Variants in ANKS1B observed in about 807,000 individuals in gnomAD.
ANKS1B encodes ankyrin repeat and sterile alpha motif domain-containing protein 1B.
ANKS1B carries 36 observed loss-of-function variants against 148.3 expected under a neutral mutation model. The ratio of observed to expected loss-of-function variants is 0.24; its 90% CI spans 0.19 to 0.32. The LOEUF (loss-of-function observed/expected upper bound fraction) is 0.32. ANKS1B is among the 10% of genes least tolerant of loss of function. The probability of loss-of-function intolerance (pLI) is 1.00; values close to 1 mark genes in which losing one functional copy is unlikely to be tolerated. For synonymous variants in ANKS1B, 542 were observed against 560.8 expected (o/e 0.97, Z 0.47); for missense variants, 1,157 against 1,542.6 (o/e 0.75, Z 4.19).
At chr12:99,541,018 A>G (rs1296621743) in intron 9 of ANKS1B, among the ~76,000 whole-genome samples, 12 of 152,158 alleles carry the variant, frequency 7.9e-5, no homozygotes, top group Admixed American at 7.9e-4. Flanking sequence ...CCATGCCAAC[A>G]AAACAGATAG....
At chr12:99,143,248 G>C (rs2071632787) in intron 15 of ANKS1B, among the ~76,000 whole-genome samples, 1 of 152,040 alleles carries the variant, frequency 6.6e-6, no homozygotes, top group Non-Finnish European at 1.5e-5. Context: ...GACTCAAGGG[G>C]CAGAAATCAG....
intron 9 of ANKS1B, among the ~76,000 whole-genome samples, chr12:99,565,804 T>C (rs1390274587): frequency 6.6e-6 from 1 of 152,194 alleles, no homozygotes; most frequent in Non-Finnish European, 1.5e-5. Flanking sequence ...CTCAAGAACT[T>C]TGTGGGTCTT....
chr12:98,905,624 T>C (rs116617947), intron 17 of ANKS1B, among the ~76,000 whole-genome samples: 1,910 of 151,954 alleles, frequency 0.013, 36 homozygotes, highest in African/African-American at 0.044. Flanking sequence ...TTTTAAAAAT[T>C]AGCCTGGCAT....
intron 10 of ANKS1B, among the ~76,000 whole-genome samples, chr12:99,450,845 C>T (rs766311884): frequency 3.3e-5 from 5 of 152,170 alleles, no homozygotes; most frequent in Non-Finnish European, 7.4e-5. Flanking sequence ...ATGAAGAAAG[C>T]TGGTCTGGCT....
chr12:99,432,015 T>C (rs577912354), intron 11 of ANKS1B, among the ~76,000 whole-genome samples: 1 of 152,212 alleles, frequency 6.6e-6, no homozygotes. Flanking sequence ...CTCATGGGTA[T>C]GGAGTAATTC....
chr12:99,641,095 C>G (rs1175526452), intron 9 of ANKS1B, among the ~76,000 whole-genome samples: 1 of 152,152 alleles, frequency 6.6e-6, no homozygotes, highest in Admixed American at 6.5e-5. Flanking sequence ...TTAGAATGCA[C>G]TTATTATATG....
rs934807834 is a variant in ANKS1B, at chr12:99,489,244, A to G, written c.1438+15232T>C. 1.7e-4 allele frequency among the ~76,000 whole-genome samples: 14 copies of G among 84,198 alleles called. No homozygotes were observed. In the East Asian group the frequency reaches 3.0e-3, roughly 18 times the overall value. The allele number at this position is 84,198 out of a possible 152,430, so 55.2% of individuals were successfully genotyped here. On this transcript the variant is annotated intron_variant, in intron 10 of 26. Transcript: ENST00000683438. ...GTGATAGAGCAAGACTCCATCTCAG[A>G]AAAAAAAAAAAAAAAAAGTACCCAC...
intron 14 of ANKS1B, among the ~76,000 whole-genome samples, chr12:99,163,877 C>T (rs931985859): frequency 1.5e-4 from 23 of 152,162 alleles, no homozygotes; most frequent in Admixed American, 1.4e-3. Flanking sequence ...TCCAGAGTGG[C>T]TGTACCATTT....
Position 99,655,185 on chromosome 12 carries a change from G to A in ANKS1B, c.1154C>T (p.Ser385Leu), listed in dbSNP as rs766958830. ...SVRTSSTINL[S>L]PGEVEEEDDD... ...ATCCTCTTCTTCCACTTCTCCTGGT[G>A]ACAAATTGATTGTAGATGAGGTTCT... The change falls in exon 9 of 27, where the codon TCA becomes TTA. Residue 385 changes from serine (S) to leucine (L), a missense_variant. This residue lies in a region of ANKS1B where 661 missense variants were observed against 642.1 expected (regional missense o/e 1.03). Transcript: ENST00000683438. The A allele has an allele frequency of 6.2e-7, 1 of 1,610,854 alleles. No homozygotes were observed. Among genetic ancestry groups the A allele is most frequent in the South Asian group, 1.1e-5 (1 of 90,616 alleles).
chr12:99,328,843 C>T (rs2086968037), intron 12 of ANKS1B, among the ~76,000 whole-genome samples: 1 of 151,872 alleles, frequency 6.6e-6, no homozygotes, highest in Admixed American at 6.6e-5. Context: ...TTGAAACTTA[C>T]ATCAAAACTG....
Position 98,911,101 on chromosome 12 carries a change from GAT to G in ANKS1B, c.2779-78967_2779-78966del, listed in dbSNP as rs1491145911. Among the ~76,000 whole-genome samples, 9 of 126,994 alleles carry G rather than the reference GAT, an allele frequency of 7.1e-5. No individual in the cohort carries two copies. In the South Asian group the frequency reaches 2.3e-3, roughly 32 times the overall value. The allele number at this position is 126,994 out of a possible 152,430, so 83.3% of individuals were successfully genotyped here. On this transcript the variant is annotated intron_variant, in intron 17 of 26. Coordinates refer to ENST00000683438, the MANE Select transcript of ANKS1B (RefSeq NM_001352186.2). Reference sequence around the variant, plus strand: ...ATCTGGAGATAAAAATTCTGTGGTAGATTTTTTTTTTAAACTGTGATATTTTA... The same window carrying G: ...ATCTGGAGATAAAAATTCTGTGGTAGTTTTTTTTTAAACTGTGATATTTTA...
In ANKS1B at chr12:99,058,798, C is replaced by T. The variant is rs11829353; in HGVS notation, c.2626-5489G>A. Among the ~76,000 whole-genome samples the T allele has an allele frequency of 2.7e-3, 355 of 133,398 alleles. 2 individuals carry two copies. Among genetic ancestry groups the T allele is most frequent in the African/African-American group, 0.01 (351 of 35,024 alleles). 87.5% of individuals were successfully genotyped at this position (133,398 alleles called of 152,430 possible). A position where few individuals can be genotyped will look rare whatever the true frequency, so the allele number is the denominator to read the frequency against. ...TGTCGCCCAGGCTGGAGTGCAGTGG[C>T]GCGATCTCGGCTCACTGCAAGCTCC... On this transcript the variant is annotated intron_variant, in intron 16 of 26. Coordinates refer to ENST00000683438, the MANE Select transcript of ANKS1B (RefSeq NM_001352186.2).
At chr12:99,581,254 A>C (rs1597467855) in intron 9 of ANKS1B, among the ~76,000 whole-genome samples, 1 of 152,174 alleles carries the variant, frequency 6.6e-6, no homozygotes, top group African/African-American at 2.4e-5. Flanking sequence ...AAATAAACTC[A>C]CCAGATGTGA....
Position 98,768,733 on chromosome 12 carries a change from CAA to C in ANKS1B, c.3579+4307_3579+4308del, listed in dbSNP as rs36034629. 1.4e-3 allele frequency among the ~76,000 whole-genome samples: 112 copies of C among 80,576 alleles called. 1 individual carries two copies. The highest frequency in any genetic ancestry group is 5.2e-3 in the South Asian group (12 of 2,328). The allele number at this position is 80,576 out of a possible 152,430, so 52.9% of individuals were successfully genotyped here. A position where few individuals can be genotyped will look rare whatever the true frequency, so the allele number is the denominator to read the frequency against. On this transcript the variant is annotated intron_variant, in intron 25 of 26. Transcript: ENST00000683438. ...TGGGCGACAGAGCGAGACTCCATCT[CAA>C]AAAAAAAAAAAAAAAAATGGCTACC...
intron 17 of ANKS1B, among the ~76,000 whole-genome samples, chr12:98,874,323 A>G (rs1432875881): frequency 2.0e-5 from 3 of 152,208 alleles, no homozygotes; most frequent in Non-Finnish European, 4.4e-5. Context: ...ATGGCACGCC[A>G]AATTTGATTG....
chr12:99,525,875 T>C (rs1328478847), intron 9 of ANKS1B, among the ~76,000 whole-genome samples: 4 of 151,806 alleles, frequency 2.6e-5, no homozygotes, highest in African/African-American at 7.3e-5. Context: ...AACTAAAATA[T>C]CATAAAGATC....
intron 1 of ANKS1B, among the ~76,000 whole-genome samples, chr12:99,868,702 C>T (rs1050253250): frequency 9.2e-5 from 14 of 152,126 alleles, no homozygotes; most frequent in East Asian, 3.9e-4. Context: ...TCCAACACTT[C>T]GGAAACTAAT....
chr12:98,744,725 A>T lies in ANKS1B; in HGVS notation c.*1014T>A. The T allele has an allele frequency of 1.0e-6, 1 of 981,196 alleles. No individual in the cohort carries two copies. Among genetic ancestry groups the T allele is most frequent in the Non-Finnish European group, 1.2e-6 (1 of 827,382 alleles). The allele number at this position is 981,196 out of a possible 1,614,324, so 60.8% of individuals were successfully genotyped here. Reference sequence around the variant, plus strand: ...TTTTTCTAGAAAAAGAAATTTTTGCAATAGAATTTTATTAACACCTTTCTC... The same window carrying T: ...TTTTTCTAGAAAAAGAAATTTTTGCTATAGAATTTTATTAACACCTTTCTC... On this transcript the variant is annotated 3_prime_UTR_variant, in exon 27 of 27. Transcript: ENST00000683438.
chr12:98,974,091 TC>T (rs2099887431), intron 17 of ANKS1B, among the ~76,000 whole-genome samples: 1 of 152,132 alleles, frequency 6.6e-6, no homozygotes, highest in Admixed American at 6.5e-5. Context: ...TGTAGTTCAA[TC>T]TTTTGTTTTG....
Sources: gnomAD v4.1 joint callset for allele counts (sites outside exome capture counted in the v4.1 genomes callset) on GRCh38, gnomAD v4.1.1 for gene constraint, gnomAD v4.1.1 regional missense constraint, MANE v1.5 for transcripts, NCBI Gene and HGNC (gene_info 2026-07-23, HGNC 2026-07-21) for gene names.